CLOCK: variants seen among roughly 807,000 people sequenced by gnomAD.
The protein encoded by CLOCK is clock circadian regulator, also known as circadian locomoter output cycles protein kaput.
A neutral mutation model predicts 118.4 loss-of-function variants in CLOCK; 43 were observed. The observed-to-expected ratio is 0.36, with a 90% CI of 0.28 to 0.47. CLOCK has a LOEUF of 0.47. Among genes scored for constraint, CLOCK ranks in the 20% least tolerant of loss-of-function variants. The pLI, the probability that CLOCK is intolerant of heterozygous loss-of-function variation, is 1.00. For synonymous variants in CLOCK, 326 were observed against 339.2 expected, an observed-to-expected ratio of 0.96 and a Z score of 0.43; for missense variants, 846 against 999.9, an observed-to-expected ratio of 0.85 and a Z score of 2.08.
intron 3 of CLOCK, among the ~76,000 whole-genome samples, chr4:55,487,714 T>A (rs1288795026): frequency 6.6e-6 from 1 of 152,206 alleles, no homozygotes; most frequent in African/African-American, 2.4e-5. Context: ...CATCCTGTTT[T>A]AGTTCCACCA....
intron 7 of CLOCK, among the ~76,000 whole-genome samples, chr4:55,475,013 C>T (rs1350393023): frequency 6.6e-6 from 1 of 152,172 alleles, no homozygotes; most frequent in Non-Finnish European, 1.5e-5. Context: ...CATAAGGCTA[C>T]AGTTCCCATA....
intron 22 of CLOCK, among the ~76,000 whole-genome samples, chr4:55,436,725 G>C (rs1253704761): frequency 1.3e-5 from 2 of 152,086 alleles, no homozygotes; most frequent in African/African-American, 2.4e-5. Flanking sequence ...GTAAGGCAAA[G>C]ACTTGATACT....
At chr4:55,476,435 A>G (rs900210560) in intron 6 of CLOCK, among the ~76,000 whole-genome samples, 8 of 152,158 alleles carry the variant, frequency 5.3e-5, no homozygotes, top group Non-Finnish European at 1.2e-4. Flanking sequence ...CAATGTCTAG[A>G]GCAGCACTAG....
intron 1 of CLOCK, among the ~76,000 whole-genome samples, chr4:55,539,422 A>G (rs1731109769): frequency 6.6e-6 from 1 of 151,956 alleles, no homozygotes; most frequent in Admixed American, 6.6e-5. Context: ...AAAAATTTAA[A>G]AATTAGCTGG....
rs1326123492 is a variant in CLOCK, at chr4:55,431,892, C to CT, written c.*3522dup. On this transcript the variant is annotated 3_prime_UTR_variant, in exon 23 of 23. Transcript: ENST00000513440. ...TTCTAAGGCTTCCTGAACAAGGGTT[C>CT]TTCTCCCTTCAACAGTGCTCTTGAT... The CT allele has an allele frequency of 6.6e-6, 1 of 152,176 alleles. No homozygotes were observed. The highest frequency in any genetic ancestry group is 2.4e-5 in the African/African-American group (1 of 41,442). The allele number at this position is 152,176 out of a possible 1,614,324, so 9.4% of individuals were successfully genotyped here.
At chr4:55,447,363 CA>C in intron 18 of CLOCK, among the ~76,000 whole-genome samples, 1 of 150,496 alleles carries the variant, frequency 6.6e-6, no homozygotes. Flanking sequence ...GGCGTCGTCT[CA>C]AAAAAAAATT....
intron 8 of CLOCK, 108 bp from the exon 9 acceptor site, chr4:55,463,913 T>C: frequency 9.7e-6 from 11 of 1,132,862 alleles, no homozygotes; most frequent in Non-Finnish European, 1.1e-5. Flanking sequence ...CAATTATCTG[T>C]GAAAACCAAC....
chr4:55,526,765 G>A (rs942402199), intron 1 of CLOCK, among the ~76,000 whole-genome samples: 7 of 151,888 alleles, frequency 4.6e-5, no homozygotes, highest in African/African-American at 9.7e-5. Flanking sequence ...TGGCTAACAC[G>A]GTGAAACCCT....
chr4:55,518,920 C>G (rs1729683177), intron 1 of CLOCK, among the ~76,000 whole-genome samples: 1 of 152,172 alleles, frequency 6.6e-6, no homozygotes, highest in South Asian at 2.1e-4. Flanking sequence ...TCAATGAGTA[C>G]CCTCATGTCA....
In CLOCK at chr4:55,438,125, G is replaced by T. The variant is rs560525488; in HGVS notation, c.2361+157C>A. On this transcript the variant is annotated intron_variant, in intron 22 of 22. Transcript: ENST00000513440. ...ACTGAGCAAGGGAAGAAAAAAAATCGCCAACCAGAACAAGCTTTCTATCTT... is the reference window on the plus strand; with the variant it reads ...ACTGAGCAAGGGAAGAAAAAAAATCTCCAACCAGAACAAGCTTTCTATCTT... Among the ~76,000 whole-genome samples, 3 of 152,274 alleles carry T rather than the reference G, an allele frequency of 2.0e-5. No individual in the cohort carries two copies. The South Asian group carries it at 6.2e-4, about 32-fold the overall frequency.
chr4:55,521,376 G>A (rs1231866998), intron 1 of CLOCK, among the ~76,000 whole-genome samples: 1 of 152,076 alleles, frequency 6.6e-6, no homozygotes, highest in East Asian at 1.9e-4. Flanking sequence ...GCGCCATCAC[G>A]CCTGGCTAAT....
chr4:55,501,096 C>T (rs1447494199), intron 2 of CLOCK, among the ~76,000 whole-genome samples: 3 of 152,162 alleles, frequency 2.0e-5, no homozygotes, highest in African/African-American at 7.2e-5. Context: ...TCAAGCAATC[C>T]TCCCACCTCA....
At chr4:55,543,198 T>A (rs994120118) in intron 1 of CLOCK, among the ~76,000 whole-genome samples, 2 of 152,190 alleles carry the variant, frequency 1.3e-5, no homozygotes, top group African/African-American at 4.8e-5. Flanking sequence ...GTGAATTAAA[T>A]CTATACCAGA....
intron 1 of CLOCK, among the ~76,000 whole-genome samples, chr4:55,536,217 T>G (rs1475136831): frequency 6.6e-6 from 1 of 152,130 alleles, no homozygotes; most frequent in Admixed American, 6.5e-5. Context: ...GGCTTTGAAA[T>G]GAATGCCTTA....
At chr4:55,526,358 A>G (rs1187029042) in intron 1 of CLOCK, among the ~76,000 whole-genome samples, 1 of 152,216 alleles carries the variant, frequency 6.6e-6, no homozygotes, top group African/African-American at 2.4e-5. Context: ...AAATTTCACA[A>G]TGGATCATAT....
chr4:55,448,639 TGTGTGC>T, intron 18 of CLOCK, 134 bp downstream of exon 18: 2 of 584,770 alleles, frequency 3.4e-6, no homozygotes, highest in Non-Finnish European at 6.2e-6. Context: ...TGTGTGTGTG[TGTGTGC>T]TCCTACCTCA....
At chr4:55,448,600 G>GCGCA (rs1553891232) in intron 18 of CLOCK, among the ~76,000 whole-genome samples, 179 bp downstream of exon 18, 1 of 52,062 alleles carries the variant, frequency 1.9e-5, no homozygotes, top group Non-Finnish European at 3.6e-5. Context: ...GCGCACGCGC[G>GCGCA]CGTGTGTGTG....
intron 7 of CLOCK, among the ~76,000 whole-genome samples, chr4:55,471,145 A>T (rs1237759947): frequency 6.6e-6 from 1 of 152,230 alleles, no homozygotes; most frequent in Non-Finnish European, 1.5e-5. Context: ...TCTCCAAAGC[A>T]TACAAGACAT....
At chr4:55,450,751 A>G (rs1184578675) in intron 15 of CLOCK, among the ~76,000 whole-genome samples, 1 of 146,802 alleles carries the variant, frequency 6.8e-6, no homozygotes, top group African/African-American at 2.5e-5. Flanking sequence ...CCTGGGCAAA[A>G]GAGCGAGACT....
Sources: gnomAD v4.1 joint callset for allele counts (sites outside exome capture counted in the v4.1 genomes callset) on GRCh38, gnomAD v4.1.1 for gene constraint, MANE v1.5 for transcripts, NCBI Gene and HGNC (gene_info 2026-07-23, HGNC 2026-07-21) for gene names.